Variants in BLVRB observed in about 807,000 individuals in gnomAD.
BLVRB encodes the protein flavin reductase (NADPH).
A neutral mutation model predicts 21.1 loss-of-function variants in BLVRB; 25 were observed. The ratio of observed to expected loss-of-function variants is 1.19; its 90% CI spans 0.86 to 1.66. The LOEUF is 1.66. Among genes scored for constraint, BLVRB ranks in the 40% most tolerant of loss-of-function variants. BLVRB has a pLI of 0.00. For missense variants in BLVRB, 274 were observed against 282.7 expected (o/e 0.97, Z 0.22); for synonymous variants, 128 against 122.2 (o/e 1.05, Z -0.31).
At chr19:40,449,848 A>T (rs1239860672) in intron 4 of BLVRB, among the ~76,000 whole-genome samples, 8 of 152,200 alleles carry the variant, frequency 5.3e-5, no homozygotes, top group African/African-American at 1.9e-4. Flanking sequence ...GAACCTAAAC[A>T]AAGGGCTTAT....
At chr19:40,456,859 T>C (rs1386795284) in intron 3 of BLVRB, among the ~76,000 whole-genome samples, 1 of 152,092 alleles carries the variant, frequency 6.6e-6, no homozygotes, top group Non-Finnish European at 1.5e-5. Context: ...GAGTGGCGGT[T>C]GCAGTGAGCT....
chr19:40,458,597 C>T (rs780717233), intron 1 of BLVRB, 52 bp from the exon 2 acceptor site: 22 of 1,512,798 alleles, frequency 1.5e-5, no homozygotes, highest in Middle Eastern at 3.5e-4. Flanking sequence ...CACTCTTGGG[C>T]TCCAGGAGCT....
intron 1 of BLVRB, among the ~76,000 whole-genome samples, chr19:40,461,770 G>T (rs745946535): frequency 7.2e-5 from 11 of 152,158 alleles, no homozygotes; most frequent in Non-Finnish European, 1.6e-4. Flanking sequence ...AAAGTGTTGG[G>T]ATTACAGGCA....
intron 4 of BLVRB, among the ~76,000 whole-genome samples, chr19:40,448,608 A>AATATATATATATATATATATATATAT (rs55783717): frequency 4.7e-5 from 6 of 126,364 alleles, no homozygotes; most frequent in Non-Finnish European, 6.7e-5. Flanking sequence ...AACAACAACA[A>AATATATATATATATATATATATATAT]ATATATATAT....
chr19:40,452,151 C>T (rs771363058), intron 3 of BLVRB, among the ~76,000 whole-genome samples: 2 of 152,086 alleles, frequency 1.3e-5, no homozygotes, highest in Non-Finnish European at 2.9e-5. Context: ...AAGCAAAGTC[C>T]CCATGGCCAG....
At chr19:40,452,523 C>T (rs1168047213) in intron 3 of BLVRB, among the ~76,000 whole-genome samples, 7 of 151,694 alleles carry the variant, frequency 4.6e-5, no homozygotes. Flanking sequence ...TCTTGCCACC[C>T]AGGCTGCAGT....
At chr19:40,459,287 C>G (rs980845496) in intron 1 of BLVRB, among the ~76,000 whole-genome samples, 1 of 121,008 alleles carries the variant, frequency 8.3e-6, no homozygotes, top group African/African-American at 3.3e-5. Context: ...GAGATTGCAC[C>G]AGTGCACTCC....
chr19:40,456,039 A>G (rs184079281), intron 3 of BLVRB, among the ~76,000 whole-genome samples: 1 of 152,316 alleles, frequency 6.6e-6, no homozygotes, highest in East Asian at 1.9e-4. Flanking sequence ...ATAAAAAAAG[A>G]AAAGGAATAT....
At chr19:40,448,449 G>A (rs2079723794) in intron 4 of BLVRB, among the ~76,000 whole-genome samples, 1 of 151,590 alleles carries the variant, frequency 6.6e-6, no homozygotes, top group Admixed American at 6.6e-5. Context: ...AAATCAGCCG[G>A]GTGCAGTGGC....
At chr19:40,461,104 A>C (rs2079785637) in intron 1 of BLVRB, among the ~76,000 whole-genome samples, 1 of 152,226 alleles carries the variant, frequency 6.6e-6, no homozygotes. Context: ...GCTGGTCTCG[A>C]ACTCCTGGAC....
intron 3 of BLVRB, chr19:40,457,824 G>A (rs1043818787): frequency 6.0e-6 from 2 of 335,832 alleles, no homozygotes; most frequent in Non-Finnish European, 5.5e-6. Context: ...TAAGTCGGAC[G>A]CCTCCTCTGG....
At chr19:40,462,530 G>A (rs1160476586) in intron 1 of BLVRB, among the ~76,000 whole-genome samples, 1 of 150,358 alleles carries the variant, frequency 6.7e-6, no homozygotes, top group South Asian at 2.1e-4. Flanking sequence ...CGCCCACCTT[G>A]GCCTCCCAAA....
intron 3 of BLVRB, among the ~76,000 whole-genome samples, chr19:40,456,945 A>C (rs1226468613): frequency 1.3e-5 from 2 of 151,918 alleles, no homozygotes; most frequent in Non-Finnish European, 2.9e-5. Flanking sequence ...ATGGGAGAAA[A>C]AAACAAAACT....
At chr19:40,450,567 T>A (rs1414489477) in intron 4 of BLVRB, 1 of 151,104 alleles carries the variant, frequency 6.6e-6, no homozygotes. Context: ...TTTTTTTTTT[T>A]AGACAGGGTC....
intron 1 of BLVRB, among the ~76,000 whole-genome samples, chr19:40,462,766 G>A (rs1305309850): frequency 8.0e-5 from 12 of 150,228 alleles, no homozygotes; most frequent in South Asian, 2.1e-4. Context: ...GGTGGCAGGC[G>A]CCTGTAGTCC....
intron 2 of BLVRB, 62 bp from the exon 3 acceptor site, chr19:40,458,306 G>T: frequency 6.6e-7 from 1 of 1,520,464 alleles, no homozygotes; most frequent in Non-Finnish European, 8.9e-7. Context: ...GGTGGCAGGG[G>T]CGGGGCCGGG....
intron 4 of BLVRB, 42 bp from the exon 5 acceptor site, chr19:40,448,088 T>C: frequency 6.3e-7 from 1 of 1,578,186 alleles, no homozygotes; most frequent in South Asian, 1.1e-5. Flanking sequence ...AGCAGACACC[T>C]TTCCCTTCCC....
chr19:40,454,571 A>G (rs1246077480), intron 3 of BLVRB, among the ~76,000 whole-genome samples: 1 of 115,946 alleles, frequency 8.6e-6, no homozygotes, highest in Non-Finnish European at 1.8e-5. Flanking sequence ...TTTTTGAGGC[A>G]GTCTCGCTCT....
At position 40,452,512 on chromosome 19, in the gene BLVRB, C is replaced by T. The variant is rs534378143; in HGVS notation, c.335-1020G>A. ...TTTTTTTGAGACAGAGTTTCCTTCC[C>T]TCTTGCCACCCAGGCTGCAGTGCAA... On this transcript the variant is annotated intron_variant, in intron 3 of 4. Transcript: ENST00000263368. 1.5e-4 allele frequency among the ~76,000 whole-genome samples: 23 copies of T among 151,646 alleles called. No homozygotes were observed. The East Asian group carries it at 4.1e-3, about 27-fold the overall frequency.
Sources: allele counts gnomAD v4.1 joint callset (sites outside exome capture counted in the v4.1 genomes callset), GRCh38; gene constraint gnomAD v4.1.1; transcripts MANE v1.5; gene names NCBI Gene and HGNC (gene_info 2026-07-23, HGNC 2026-07-21).